CDKAL1: variants seen among roughly 807,000 people sequenced by gnomAD.
The protein encoded by CDKAL1 is CDKAL1 threonylcarbamoyladenosine tRNA methylthiotransferase, also known as threonylcarbamoyladenosine tRNA methylthiotransferase.
Under a neutral mutation model 68.2 loss-of-function variants are expected in CDKAL1, and 32 were observed. The ratio of observed to expected loss-of-function variants is 0.47; its 90% CI spans 0.35 to 0.63. The LOEUF is 0.63. Ranked by LOEUF, CDKAL1 falls within the 30% of genes least tolerant of loss-of-function variation. The pLI is 0.00. For missense variants in CDKAL1, 606 were observed against 696.7 expected (o/e 0.87, Z 1.47); for synonymous variants, 234 against 244.3 (o/e 0.96, Z 0.39).
At chr6:21,101,759 A>T (rs1177157844) in intron 12 of CDKAL1, among the ~76,000 whole-genome samples, 2 of 151,990 alleles carry the variant, frequency 1.3e-5, no homozygotes, top group Non-Finnish European at 2.9e-5. Context: ...GACTGAGTGA[A>T]GGGTACTTCT....
chr6:20,988,689 C>T (rs1186694107), intron 10 of CDKAL1, among the ~76,000 whole-genome samples: 6 of 151,800 alleles, frequency 4.0e-5, no homozygotes, highest in Admixed American at 1.3e-4. Flanking sequence ...ATCGCTCTGT[C>T]GCCAGGCTGG....
At chr6:20,717,006 G>GT (rs913688343) in intron 5 of CDKAL1, among the ~76,000 whole-genome samples, 31 of 152,146 alleles carry the variant, frequency 2.0e-4, no homozygotes, top group Non-Finnish European at 3.7e-4. Flanking sequence ...GATCAGCTGT[G>GT]TAAGTGTTGC....
At chr6:20,686,334 C>T (rs1562025323) in intron 5 of CDKAL1, among the ~76,000 whole-genome samples, 2 of 152,110 alleles carry the variant, frequency 1.3e-5, no homozygotes, top group Non-Finnish European at 2.9e-5. Context: ...TCTGTGTTTA[C>T]AGCTGCTCCC....
At chr6:20,570,503 C>T (rs917533997) in intron 4 of CDKAL1, among the ~76,000 whole-genome samples, 29 of 152,086 alleles carry the variant, frequency 1.9e-4, no homozygotes, top group Admixed American at 2.0e-4. Context: ...TGGGTTCAAG[C>T]GATTCTCTTG....
At chr6:20,815,345 A>G (rs1478812649) in intron 8 of CDKAL1, among the ~76,000 whole-genome samples, 1 of 152,190 alleles carries the variant, frequency 6.6e-6, no homozygotes, top group Non-Finnish European at 1.5e-5. Flanking sequence ...AGGGTTGAGT[A>G]GAAGAAGTGT....
chr6:21,163,890 G>GATGC (rs1562084372), intron 13 of CDKAL1, among the ~76,000 whole-genome samples: 57 of 150,696 alleles, frequency 3.8e-4, no homozygotes, highest in African/African-American at 1.4e-3. Context: ...GACGGAGGCT[G>GATGC]CAGTAAGCCA....
At chr6:21,141,785 A>G (rs1775926655) in intron 13 of CDKAL1, among the ~76,000 whole-genome samples, 1 of 152,194 alleles carries the variant, frequency 6.6e-6, no homozygotes, top group South Asian at 2.1e-4. Context: ...TGGGATATGT[A>G]GTAGGAGGGA....
chr6:21,156,838 A>G lies in CDKAL1; in HGVS notation c.1300-41183A>G, dbSNP rs144573362. ...TGCATGCTGCTGTGGTTGCTTTGGC[A>G]TGGAATCCTTCTAAGAGTATCAAAC... On this transcript the variant is annotated intron_variant, in intron 13 of 15. Transcript: ENST00000274695. Among the ~76,000 whole-genome samples, 465 of 152,264 alleles carry G rather than the reference A, an allele frequency of 3.1e-3. 2 individuals are homozygous for G. Among genetic ancestry groups the G allele is most frequent in the African/African-American group, 9.6e-3 (398 of 41,562 alleles).
At chr6:20,760,482 T>C (rs551341939) in intron 7 of CDKAL1, among the ~76,000 whole-genome samples, 1 of 152,302 alleles carries the variant, frequency 6.6e-6, no homozygotes, top group East Asian at 1.9e-4. Context: ...TTCATAATAG[T>C]ACTGTGAAGT....
chr6:20,971,288 G>T (rs1045263905), intron 10 of CDKAL1, among the ~76,000 whole-genome samples: 1 of 152,198 alleles, frequency 6.6e-6, no homozygotes, highest in Admixed American at 6.5e-5. Context: ...ATTCACTAAA[G>T]AAGCTTTGTT....
intron 13 of CDKAL1, among the ~76,000 whole-genome samples, chr6:21,153,269 C>G (rs1459105965): frequency 2.4e-5 from 3 of 122,692 alleles, no homozygotes; most frequent in Non-Finnish European, 3.2e-5. Context: ...AATCGTTAAG[C>G]GTTTAACCAT....
At chr6:21,139,289 G>A (rs1042525772) in intron 13 of CDKAL1, among the ~76,000 whole-genome samples, 1 of 152,102 alleles carries the variant, frequency 6.6e-6, no homozygotes, top group East Asian at 1.9e-4. Context: ...GTTCCCTTCT[G>A]GCAGAAACCC....
Position 20,837,937 on chromosome 6 carries a change from T to TTGTGTGTGTG in CDKAL1, c.639-8102_639-8093dup, listed in dbSNP as rs531904726. Among the ~76,000 whole-genome samples the TTGTGTGTGTG allele has an allele frequency of 4.7e-3, 578 of 123,184 alleles. 5 individuals carry two copies. Among genetic ancestry groups the TTGTGTGTGTG allele is most frequent in the East Asian group, 9.4e-3 (38 of 4,024 alleles). The allele number at this position is 123,184 out of a possible 152,430, so 80.8% of individuals were successfully genotyped here. The stretch of plus-strand genomic sequence containing the variant: ...AGTTAGGGGTGGAGCTGGGAAGAAA[T>TTGTGTGTGTG]TGTGTGTGTGTGTGTGTGTGTGTGT... On this transcript the variant is annotated intron_variant, in intron 8 of 15. Coordinates refer to ENST00000274695, the MANE Select transcript of CDKAL1 (RefSeq NM_017774.3).
At chr6:21,016,488 T>C (rs76798013) in intron 11 of CDKAL1, among the ~76,000 whole-genome samples, 1,756 of 152,266 alleles carry the variant, frequency 0.012, 35 homozygotes, top group African/African-American at 0.04. Context: ...TCTTGTTAAA[T>C]TTCTAATTGT....
chr6:20,566,852 A>C (rs978671571), intron 4 of CDKAL1, among the ~76,000 whole-genome samples: 1 of 152,180 alleles, frequency 6.6e-6, no homozygotes, highest in African/African-American at 2.4e-5. Flanking sequence ...GGAGAACTCA[A>C]CTGTTTAAAA....
intron 11 of CDKAL1, among the ~76,000 whole-genome samples, chr6:21,047,785 A>G (rs142746635): frequency 1.3e-5 from 2 of 152,350 alleles, no homozygotes; most frequent in African/African-American, 4.8e-5. Context: ...TAAGATGCTG[A>G]GAGAAAATCA....
chr6:21,205,276 T>C (rs962053798), intron 15 of CDKAL1, among the ~76,000 whole-genome samples: 2 of 152,198 alleles, frequency 1.3e-5, no homozygotes, highest in African/African-American at 2.4e-5. Context: ...TGCACAGATA[T>C]CTCTTCGAGT....
intron 15 of CDKAL1, among the ~76,000 whole-genome samples, chr6:21,217,664 A>G (rs1259471024): frequency 4.0e-5 from 6 of 151,828 alleles, no homozygotes; most frequent in African/African-American, 1.5e-4. Flanking sequence ...CGCCTGGCTA[A>G]TTTTTATATT....
intron 8 of CDKAL1, among the ~76,000 whole-genome samples, chr6:20,825,614 C>G (rs1040701974): frequency 6.6e-6 from 1 of 152,082 alleles, no homozygotes; most frequent in Non-Finnish European, 1.5e-5. Context: ...CAACAGCTCT[C>G]ATGAACTTTT....
Sources: allele counts gnomAD v4.1 joint callset (sites outside exome capture counted in the v4.1 genomes callset), GRCh38; gene constraint gnomAD v4.1.1; transcripts MANE v1.5; gene names NCBI Gene and HGNC (gene_info 2026-07-23, HGNC 2026-07-21).